Variants in CFAP47 observed in about 807,000 individuals in gnomAD.
CFAP47 encodes cilia and flagella associated protein 47.
Under a neutral mutation model 148.1 loss-of-function variants are expected in CFAP47, and 29 were observed. That is an observed-to-expected ratio of 0.20 (90% CI 0.15 to 0.27). The LOEUF is 0.27. Ranked by LOEUF, CFAP47 falls within the 10% of genes least tolerant of loss-of-function variation. The probability of loss-of-function intolerance (pLI) is 1.00; values close to 1 mark genes in which losing one functional copy is unlikely to be tolerated. For synonymous variants in CFAP47, 664 were observed against 577.3 expected, an observed-to-expected ratio of 1.15 and a Z score of -2.15; for missense variants, 1,872 against 1,697.5, an observed-to-expected ratio of 1.10 and a Z score of -1.81.
chrX:36,382,031 A>T (rs1345495763), intron 63 of CFAP47, among the ~76,000 whole-genome samples: 2 of 111,477 alleles, frequency 1.8e-5, no homozygotes, highest in African/African-American at 6.5e-5. Flanking sequence ...TGGCATTGTA[A>T]ATATCTTGGT....
chrX:36,102,414 T>C (rs1034269279), intron 32 of CFAP47, among the ~76,000 whole-genome samples: 3 of 112,114 alleles, frequency 2.7e-5, no homozygotes, highest in Non-Finnish European at 5.6e-5. Flanking sequence ...TTTATTTTTC[T>C]AGCAATTTAT....
At chrX:36,038,436 A>G (rs1453496534) in intron 24 of CFAP47, among the ~76,000 whole-genome samples, 1 of 112,085 alleles carries the variant, frequency 8.9e-6, no homozygotes, top group Admixed American at 9.5e-5. Flanking sequence ...AACACAAACT[A>G]TCTTTTCTCT....
chrX:36,320,685 C>A (rs1556011870), intron 57 of CFAP47, among the ~76,000 whole-genome samples: 1 of 111,878 alleles, frequency 8.9e-6, no homozygotes, highest in African/African-American at 3.2e-5. Context: ...TGTTCAATGT[C>A]ACTAATAATC....
At chrX:36,240,390 G>A (rs1338755826) in intron 48 of CFAP47, among the ~76,000 whole-genome samples, 2 of 109,379 alleles carry the variant, frequency 1.8e-5, no homozygotes, top group Non-Finnish European at 3.8e-5. Flanking sequence ...AAGAATTAAT[G>A]AAAAGTATGA....
At chrX:36,123,642 G>T (rs776849365) in intron 33 of CFAP47, among the ~76,000 whole-genome samples, 4 of 110,351 alleles carry the variant, frequency 3.6e-5, no homozygotes, top group Non-Finnish European at 7.6e-5. Flanking sequence ...CAGTAAGCTT[G>T]TAGTAACTTC....
chrX:36,371,694 AC>A, intron 62 of CFAP47, among the ~76,000 whole-genome samples: 1 of 71,177 alleles, frequency 1.4e-5, no homozygotes. Flanking sequence ...GTGTGTATAT[AC>A]ACACATGTGT....
intron 33 of CFAP47, among the ~76,000 whole-genome samples, chrX:36,122,389 A>T (rs1569265618): frequency 9.0e-6 from 1 of 111,140 alleles, no homozygotes; most frequent in African/African-American, 3.3e-5. Context: ...AATAATCTTT[A>T]TACCCGTATC....
intron 49 of CFAP47, among the ~76,000 whole-genome samples, chrX:36,269,657 C>A: frequency 8.9e-6 from 1 of 111,860 alleles, no homozygotes; most frequent in Non-Finnish European, 1.9e-5. Flanking sequence ...AGTTTTATTC[C>A]TGTATAATTG....
chrX:35,938,381 A>G (rs1793364171), intron 2 of CFAP47, among the ~76,000 whole-genome samples: 1 of 111,258 alleles, frequency 9.0e-6, no homozygotes, highest in Admixed American at 9.6e-5. Flanking sequence ...ATAAACAGCT[A>G]TATGTTTAAA....
intron 60 of CFAP47, 36 bp from the exon 61 acceptor site, chrX:36,361,294 T>A (rs1456387875): frequency 1.2e-6 from 1 of 837,021 alleles, no homozygotes; most frequent in Admixed American, 3.2e-5. Context: ...GCATATTTAA[T>A]TAAATTGAAA....
intron 21 of CFAP47, among the ~76,000 whole-genome samples, chrX:36,003,970 T>TTTC (rs202074573): frequency 0.055 from 4,701 of 85,276 alleles, 168 homozygotes; most frequent in East Asian, 0.17. Context: ...TCTTTTTCTT[T>TTTC]TTTTTTTTTT....
At chrX:36,111,747 T>A in intron 33 of CFAP47, among the ~76,000 whole-genome samples, 2 of 111,459 alleles carry the variant, frequency 1.8e-5, no homozygotes, top group Middle Eastern at 9.3e-3. Flanking sequence ...CTGGGCTTTT[T>A]GTGGCTGGTA....
At chrX:36,296,133 A>G (rs1353156020) in intron 51 of CFAP47, among the ~76,000 whole-genome samples, 1 of 111,625 alleles carries the variant, frequency 9.0e-6, no homozygotes, top group Non-Finnish European at 1.9e-5. Flanking sequence ...AGTATTTGCC[A>G]TGGATATTGC....
At chrX:36,254,713 A>C (rs1940730372) in intron 49 of CFAP47, among the ~76,000 whole-genome samples, 1 of 111,783 alleles carries the variant, frequency 8.9e-6, no homozygotes, top group Admixed American at 9.5e-5. Context: ...GCCAATAAGT[A>C]AGCAAGCTAG....
chrX:36,294,307 G>A (rs1941220563), intron 51 of CFAP47, among the ~76,000 whole-genome samples: 1 of 111,440 alleles, frequency 9.0e-6, no homozygotes, highest in Non-Finnish European at 1.9e-5. Flanking sequence ...TTCCTCACAG[G>A]CAGTGTGCAA....
At chrX:36,058,345 T>C in intron 26 of CFAP47, among the ~76,000 whole-genome samples, 2 of 112,236 alleles carry the variant, frequency 1.8e-5, no homozygotes, top group East Asian at 2.8e-4. Context: ...ATTTGTAAAG[T>C]CATTTTAAAA....
intron 35 of CFAP47, among the ~76,000 whole-genome samples, chrX:36,142,380 A>G (rs1425644361): frequency 9.0e-6 from 1 of 111,298 alleles, no homozygotes; most frequent in Non-Finnish European, 1.9e-5. Flanking sequence ...GTTTGTTTAC[A>G]TTCCTGCATT....
intron 27 of CFAP47, among the ~76,000 whole-genome samples, chrX:36,067,814 C>A (rs1231714459): frequency 9.1e-6 from 1 of 109,785 alleles, no homozygotes; most frequent in African/African-American, 3.3e-5. Context: ...AGGTGCCCGC[C>A]ACCATGGCCG....
At chrX:36,014,687 T>C (rs779190405) in intron 21 of CFAP47, 87 bp from the exon 22 acceptor site, 661 of 278,257 alleles carry the variant, frequency 2.4e-3, no homozygotes, top group Non-Finnish European at 3.5e-3. Context: ...AAACTGCTTT[T>C]TAAAAACTGC....
Sources: allele counts gnomAD v4.1 joint callset (sites outside exome capture counted in the v4.1 genomes callset), GRCh38; gene constraint gnomAD v4.1.1; transcripts MANE v1.5; gene names NCBI Gene and HGNC (gene_info 2026-07-23, HGNC 2026-07-21).